OR56A3: variants seen among roughly 807,000 people sequenced by gnomAD.
OR56A3 encodes the protein olfactory receptor 56A3.
A neutral mutation model predicts 17.5 loss-of-function variants in OR56A3; 23 were observed. That is an observed-to-expected ratio of 1.32 (90% CI 0.95 to 1.87). The LOEUF (loss-of-function observed/expected upper bound fraction) is 1.87. Among genes scored for constraint, OR56A3 ranks in the 40% most tolerant of loss-of-function variants. OR56A3 has a pLI of 0.00. For missense variants in OR56A3, 366 were observed against 380.1 expected, an observed-to-expected ratio of 0.96 and a Z score of 0.31; for synonymous variants, 175 against 150.6, an observed-to-expected ratio of 1.16 and a Z score of -1.19.
At chr11:5,990,075 G>T in the OR56A3 span, among the ~76,000 whole-genome samples, 12 of 152,208 alleles carry the variant, frequency 7.9e-5, no homozygotes, top group Non-Finnish European at 1.3e-4. Flanking sequence ...CTTTGTCCCT[G>T]CATTAAGACC....
intron 2 of OR56A3, among the ~76,000 whole-genome samples, chr11:5,945,939 A>G (rs1232678915): frequency 6.6e-6 from 1 of 152,244 alleles, no homozygotes; most frequent in Non-Finnish European, 1.5e-5. Context: ...ATCTTAGCCA[A>G]AAGGCTGAGA....
downstream of OR56A3, among the ~76,000 whole-genome samples, chr11:5,954,435 G>A (rs1056825764): frequency 1.3e-5 from 2 of 152,130 alleles, no homozygotes; most frequent in African/African-American, 4.8e-5. Context: ...TAAGGTGGTT[G>A]AGTCCTGGGG....
chr11:5,947,437 C>T lies in OR56A3; in HGVS notation c.91C>T (p.Leu31=), dbSNP rs538962106. 6.2e-7 allele frequency: 1 copy of T among 1,614,234 alleles called. No homozygotes were observed. Among genetic ancestry groups the T allele is most frequent in the Non-Finnish European group, 8.5e-7 (1 of 1,180,028 alleles). The change falls in exon 3 of 3, where the codon CTG becomes TTG. Residue 31 remains leucine (L), a synonymous_variant. Coordinates refer to ENST00000641160, the MANE Select transcript of OR56A3 (RefSeq NM_001003443.3). The part of the protein sequence containing the change: ...FVRSPSWQHW[L]SLPLSLLFLL... ...CAGATCCCCCAGCTGGCAGCACTGGCTGTCCCTGCCCCTCAGCCTCCTTTT... is the reference window on the plus strand; with the variant it reads ...CAGATCCCCCAGCTGGCAGCACTGGTTGTCCCTGCCCCTCAGCCTCCTTTT...
At chr11:5,994,713 T>C in the OR56A3 span, 6 of 834,250 alleles carry the variant, frequency 7.2e-6, no homozygotes, top group Admixed American at 1.7e-5. Context: ...ATTTGCAGAA[T>C]GATGCGGGCA....
At chr11:5,993,485 AC>A in the OR56A3 span, among the ~76,000 whole-genome samples, 2 of 152,104 alleles carry the variant, frequency 1.3e-5, no homozygotes, top group Non-Finnish European at 2.9e-5. Context: ...TGAGTGTTGG[AC>A]CCTCCTAGAC....
the OR56A3 span, among the ~76,000 whole-genome samples, chr11:6,004,191 A>G: frequency 6.6e-6 from 1 of 152,162 alleles, no homozygotes; most frequent in Non-Finnish European, 1.5e-5. Flanking sequence ...GTCTCTATTA[A>G]AAATACAAAA....
At chr11:5,972,886 CG>C in the OR56A3 span, among the ~76,000 whole-genome samples, 1 of 152,176 alleles carries the variant, frequency 6.6e-6, no homozygotes, top group African/African-American at 2.4e-5. Flanking sequence ...CATGAGCCAC[CG>C]TGCCCGGCAG....
chr11:5,996,947 G>A, the OR56A3 span, among the ~76,000 whole-genome samples: 3 of 152,240 alleles, frequency 2.0e-5, no homozygotes, highest in Non-Finnish European at 4.4e-5. Flanking sequence ...AAGGCAGGAT[G>A]AGATGGGAAG....
chr11:5,982,613 C>A, the OR56A3 span, among the ~76,000 whole-genome samples: 1 of 152,274 alleles, frequency 6.6e-6, no homozygotes, highest in South Asian at 2.1e-4. Context: ...ACAGGGCCAA[C>A]AGTCAACAAG....
At chr11:5,986,537 C>G in the OR56A3 span, 20 of 1,613,762 alleles carry the variant, frequency 1.2e-5, no homozygotes, top group Middle Eastern at 3.3e-4. Flanking sequence ...GCCACAAGTA[C>G]CCCTGACTCC....
the OR56A3 span, chr11:5,967,462 G>A: frequency 3.4e-5 from 31 of 919,732 alleles, no homozygotes; most frequent in African/African-American, 1.3e-4. Context: ...ACTTATTCTC[G>A]CAGTAACAAT....
chr11:5,988,185 C>A, the OR56A3 span, among the ~76,000 whole-genome samples: 236 of 152,194 alleles, frequency 1.6e-3, no homozygotes, highest in African/African-American at 4.4e-3. Context: ...CCACTGTCAC[C>A]CCTCAAAAGG....
At chr11:5,993,023 G>A in the OR56A3 span, among the ~76,000 whole-genome samples, 3 of 152,282 alleles carry the variant, frequency 2.0e-5, no homozygotes, top group East Asian at 3.9e-4. Flanking sequence ...TGGGAAGTTC[G>A]GGAAAGCCCT....
chr11:5,994,060 T>C, the OR56A3 span: 2 of 477,392 alleles, frequency 4.2e-6, no homozygotes, highest in Non-Finnish European at 8.3e-6. Flanking sequence ...CAGCTTGACC[T>C]TGATGTTCAG....
chr11:5,973,557 G>A, the OR56A3 span, among the ~76,000 whole-genome samples: 14 of 152,098 alleles, frequency 9.2e-5, no homozygotes, highest in Admixed American at 9.2e-4. Flanking sequence ...CATAGTCATT[G>A]TTGAATGTCT....
At chr11:5,967,311 C>A in the OR56A3 span, 1 of 476,724 alleles carries the variant, frequency 2.1e-6, no homozygotes, top group Non-Finnish European at 3.7e-6. Flanking sequence ...AATTCGTACT[C>A]ACATAGATGA....
the OR56A3 span, among the ~76,000 whole-genome samples, chr11:5,961,290 G>A: frequency 6.6e-6 from 1 of 152,234 alleles, no homozygotes; most frequent in African/African-American, 2.4e-5. Flanking sequence ...TGATGACAAT[G>A]GCGGTTTTGT....
the OR56A3 span, chr11:5,994,121 C>A: frequency 2.0e-6 from 1 of 494,202 alleles, no homozygotes; most frequent in Non-Finnish European, 4.0e-6. Flanking sequence ...TAGGTCTCTG[C>A]CAGCTCCGAC....
chr11:5,996,924 G>A, the OR56A3 span, among the ~76,000 whole-genome samples: 1 of 152,222 alleles, frequency 6.6e-6, no homozygotes, highest in Non-Finnish European at 1.5e-5. Flanking sequence ...AAGCAGGAAA[G>A]AGCACTGAGA....
Sources: allele counts gnomAD v4.1 joint callset (sites outside exome capture counted in the v4.1 genomes callset), GRCh38; gene constraint gnomAD v4.1.1; transcripts MANE v1.5; gene names NCBI Gene and HGNC (gene_info 2026-07-23, HGNC 2026-07-21).